MMP26: variants seen among roughly 807,000 people sequenced by gnomAD.
MMP26 encodes matrix metallopeptidase 26.
Under a neutral mutation model 31.0 loss-of-function variants are expected in MMP26, and 33 were observed. The ratio of observed to expected loss-of-function variants is 1.06; its 90% CI spans 0.81 to 1.42. MMP26 has a LOEUF of 1.42. MMP26 is among the 40% of genes most tolerant of loss of function. The pLI, the probability that MMP26 is intolerant of heterozygous loss-of-function variation, is 0.00. For missense variants in MMP26, 347 were observed against 316.1 expected, an observed-to-expected ratio of 1.10 and a Z score of -0.74; for synonymous variants, 122 against 114.9, an observed-to-expected ratio of 1.06 and a Z score of -0.40.
chr11:4,791,222 G>A (rs1408896016), intron 2 of MMP26, among the ~76,000 whole-genome samples: 3 of 152,196 alleles, frequency 2.0e-5, no homozygotes, highest in Non-Finnish European at 4.4e-5. Context: ...CAAGTACAGT[G>A]GTTAATAGTT....
intron 2 of MMP26, among the ~76,000 whole-genome samples, chr11:4,931,343 C>T (rs1299743514): frequency 1.3e-5 from 2 of 152,120 alleles, no homozygotes; most frequent in African/African-American, 4.8e-5. Context: ...CAGGTAGTGC[C>T]TCTTTTTTAG....
At chr11:4,982,742 A>G (rs1430238775) in intron 2 of MMP26, among the ~76,000 whole-genome samples, 1 of 152,206 alleles carries the variant, frequency 6.6e-6, no homozygotes, top group Non-Finnish European at 1.5e-5. Flanking sequence ...TTAAATCCCT[A>G]CGGGATCCAT....
At chr11:4,805,656 C>A (rs1023680517) in intron 2 of MMP26, among the ~76,000 whole-genome samples, 5 of 152,104 alleles carry the variant, frequency 3.3e-5, no homozygotes, top group African/African-American at 1.2e-4. Context: ...AGGAAAGTAG[C>A]AAATAAATGT....
At chr11:4,838,835 T>A (rs1266047757) in intron 2 of MMP26, among the ~76,000 whole-genome samples, 6 of 152,062 alleles carry the variant, frequency 3.9e-5, no homozygotes, top group Admixed American at 3.9e-4. Flanking sequence ...AACACTTTTT[T>A]AAAAACAAAA....
chr11:4,772,071 T>C (rs776781044), intron 2 of MMP26, among the ~76,000 whole-genome samples: 9 of 152,162 alleles, frequency 5.9e-5, no homozygotes, highest in Non-Finnish European at 1.3e-4. Flanking sequence ...AGAATTGAGC[T>C]GTGAGATTAT....
At chr11:4,763,660 A>G (rs1406244327) in intron 1 of MMP26, among the ~76,000 whole-genome samples, 3 of 152,224 alleles carry the variant, frequency 2.0e-5, no homozygotes, top group Non-Finnish European at 2.9e-5. Context: ...GATAAATACT[A>G]TAAAGAATGA....
At chr11:4,933,334 G>A (rs189018412) in intron 2 of MMP26, among the ~76,000 whole-genome samples, 30 of 152,126 alleles carry the variant, frequency 2.0e-4, no homozygotes, top group Admixed American at 7.2e-4. Flanking sequence ...TAAAAAGGCG[G>A]ACAATCACTA....
At chr11:4,907,691 A>G (rs1850920942) in intron 2 of MMP26, 1 of 1,613,466 alleles carries the variant, frequency 6.2e-7, no homozygotes, top group South Asian at 1.1e-5. Flanking sequence ...TCATGGATTC[A>G]CTGTCATGGA....
intron 2 of MMP26, among the ~76,000 whole-genome samples, chr11:4,978,386 TTAAAG>T (rs961475713): frequency 1.3e-5 from 2 of 152,156 alleles, no homozygotes; most frequent in Non-Finnish European, 2.9e-5. Context: ...ATTCTGATTA[TTAAAG>T]TAATTATTTT....
At chr11:4,708,007 C>A (rs999117136) in intron 1 of MMP26, among the ~76,000 whole-genome samples, 9 of 152,132 alleles carry the variant, frequency 5.9e-5, no homozygotes, top group African/African-American at 2.2e-4. Context: ...CTTCATTTCC[C>A]TTAGATTTAT....
At chr11:4,801,400 C>A (rs753980950) in intron 2 of MMP26, among the ~76,000 whole-genome samples, 2 of 152,038 alleles carry the variant, frequency 1.3e-5, no homozygotes, top group African/African-American at 2.4e-5. Context: ...TTTGGTGAGG[C>A]CTCAGAAAGT....
intron 2 of MMP26, among the ~76,000 whole-genome samples, chr11:4,938,455 GA>G (rs575523956): frequency 0.016 from 2,151 of 134,566 alleles, 39 homozygotes; most frequent in African/African-American, 0.05. Flanking sequence ...AGTTCAGACT[GA>G]AAAAAAAAAA....
intron 2 of MMP26, chr11:4,821,483 G>A: frequency 1.2e-6 from 2 of 1,612,934 alleles, no homozygotes; most frequent in Non-Finnish European, 1.7e-6. Flanking sequence ...GGCATTCCAG[G>A]CCTGAAAGCC....
chr11:4,762,022 T>C (rs1387464364), intron 1 of MMP26, among the ~76,000 whole-genome samples: 1 of 152,154 alleles, frequency 6.6e-6, no homozygotes, highest in Non-Finnish European at 1.5e-5. Context: ...CCTCAAGGAT[T>C]ATATTGATTA....
At chr11:4,714,513 C>T (rs560642003) in intron 1 of MMP26, among the ~76,000 whole-genome samples, 3 of 152,284 alleles carry the variant, frequency 2.0e-5, no homozygotes, top group African/African-American at 4.8e-5. Context: ...GTGACTTCCA[C>T]GTCCCACACA....
At chr11:4,775,905 A>G (rs1348006840) in intron 2 of MMP26, among the ~76,000 whole-genome samples, 1 of 152,116 alleles carries the variant, frequency 6.6e-6, no homozygotes, top group Non-Finnish European at 1.5e-5. Flanking sequence ...TGAATAATGT[A>G]CATTATACCT....
At position 4,815,580 on chromosome 11, in the gene MMP26, AAAG is replaced by A. The variant is rs1377904414; in HGVS notation, c.-145+48242_-145+48244del. Among the ~76,000 whole-genome samples the A allele has an allele frequency of 2.0e-5, 3 of 152,282 alleles. No individual in the cohort carries two copies. The East Asian group carries it at 5.8e-4, about 29-fold the overall frequency. On this transcript the variant is annotated intron_variant, in intron 2 of 7. Coordinates refer to ENST00000380390, the MANE Select transcript of MMP26 (RefSeq NM_021801.5). ...CAGCAATGAAGTATAACAAAAAAAA[AAAG>A]AAAGAAATTTTAGACAGGGAACACA...
intron 2 of MMP26, chr11:4,923,936 G>C (rs1391992230): frequency 2.5e-6 from 4 of 1,614,152 alleles, no homozygotes; most frequent in Non-Finnish European, 3.4e-6. Context: ...CAGGACGGTG[G>C]AGTCATGCAG....
chr11:4,803,932 A>T (rs765649198), intron 2 of MMP26: 4 of 1,613,308 alleles, frequency 2.5e-6, no homozygotes, highest in Admixed American at 1.7e-5. Flanking sequence ...CAGCATCACG[A>T]TGGTCCCCAG....
Sources: allele counts gnomAD v4.1 joint callset (sites outside exome capture counted in the v4.1 genomes callset), GRCh38; gene constraint gnomAD v4.1.1; transcripts MANE v1.5; gene names NCBI Gene and HGNC (gene_info 2026-07-23, HGNC 2026-07-21).